Variants in CCDC178 observed in about 807,000 individuals in gnomAD.
CCDC178 encodes the protein coiled-coil domain-containing protein 178.
A neutral mutation model predicts 117.4 loss-of-function variants in CCDC178; 126 were observed. That is an observed-to-expected ratio of 1.07 (90% CI 0.93 to 1.24). The LOEUF (loss-of-function observed/expected upper bound fraction) is 1.24. Among genes scored for constraint, CCDC178 ranks in the 50% most tolerant of loss-of-function variants. The probability of loss-of-function intolerance (pLI) is 0.00; values close to 1 mark genes in which losing one functional copy is unlikely to be tolerated. For missense variants in CCDC178, 1,030 were observed against 986.9 expected (o/e 1.04, Z -0.59); for synonymous variants, 283 against 313.4 (o/e 0.90, Z 1.02).
intron 21 of CCDC178, among the ~76,000 whole-genome samples, chr18:33,066,297 T>C (rs2057015521): frequency 6.6e-6 from 1 of 151,810 alleles, no homozygotes; most frequent in Non-Finnish European, 1.5e-5. Flanking sequence ...ATATCTACTA[T>C]CAGGAAAACA....
chr18:33,221,773 C>T (rs1447338987), intron 18 of CCDC178, among the ~76,000 whole-genome samples: 1 of 151,960 alleles, frequency 6.6e-6, no homozygotes, highest in Non-Finnish European at 1.5e-5. Flanking sequence ...AAAGTCAATC[C>T]TTTATTTTAA....
intron 7 of CCDC178, among the ~76,000 whole-genome samples, chr18:33,351,803 T>G (rs976718691): frequency 1.3e-5 from 2 of 152,130 alleles, no homozygotes; most frequent in Non-Finnish European, 2.9e-5. Flanking sequence ...TCCTCTGCCT[T>G]GGCCTCCCAA....
At chr18:33,291,826 G>A (rs1219660762) in intron 12 of CCDC178, among the ~76,000 whole-genome samples, 2 of 152,044 alleles carry the variant, frequency 1.3e-5, no homozygotes, top group Non-Finnish European at 2.9e-5. Context: ...GGAAACAAAG[G>A]CTTCAGTTCT....
chr18:32,984,576 C>T (rs1031053507), intron 21 of CCDC178, among the ~76,000 whole-genome samples: 2 of 149,052 alleles, frequency 1.3e-5, no homozygotes, highest in Non-Finnish European at 3.0e-5. Flanking sequence ...GCTTAAGTTG[C>T]TAAAATTCAC....
At chr18:32,967,077 A>G (rs1309683401) in intron 22 of CCDC178, among the ~76,000 whole-genome samples, 3 of 151,806 alleles carry the variant, frequency 2.0e-5, no homozygotes, top group African/African-American at 7.2e-5. Context: ...AACTTTTATT[A>G]GAATAAGTAT....
chr18:33,234,817 T>C (rs1568076806), intron 15 of CCDC178, among the ~76,000 whole-genome samples: 1 of 152,170 alleles, frequency 6.6e-6, no homozygotes, highest in Non-Finnish European at 1.5e-5. Context: ...AAGAGTAATA[T>C]GCTCCAGATT....
intron 9 of CCDC178, among the ~76,000 whole-genome samples, chr18:33,339,484 C>T (rs970734502): frequency 1.3e-5 from 2 of 150,612 alleles, no homozygotes; most frequent in African/African-American, 4.9e-5. Context: ...TAGATAACTA[C>T]AATAAAATGG....
At chr18:33,253,931 T>C (rs2059646709) in intron 14 of CCDC178, among the ~76,000 whole-genome samples, 1 of 151,944 alleles carries the variant, frequency 6.6e-6, no homozygotes, top group Non-Finnish European at 1.5e-5. Context: ...GGGTAATATA[T>C]ACATACTGCT....
intron 21 of CCDC178, among the ~76,000 whole-genome samples, chr18:33,004,364 G>C (rs1347716408): frequency 6.6e-6 from 1 of 152,040 alleles, no homozygotes; most frequent in Non-Finnish European, 1.5e-5. Context: ...TTTGACAAAG[G>C]TGCCAAGAAC....
At chr18:32,947,027 G>T (rs974381253) in intron 22 of CCDC178, among the ~76,000 whole-genome samples, 1 of 151,848 alleles carries the variant, frequency 6.6e-6, no homozygotes, top group African/African-American at 2.4e-5. Flanking sequence ...TGATCCGCCC[G>T]CCTCGGCCTC....
intron 5 of CCDC178, among the ~76,000 whole-genome samples, chr18:33,381,526 C>A (rs1004565429): frequency 2.0e-5 from 3 of 152,354 alleles, no homozygotes; most frequent in African/African-American, 7.2e-5. Context: ...ATGCTATAGA[C>A]AGATACATCT....
At chr18:32,980,570 CAAAAAAA>C (rs57402084) in intron 21 of CCDC178, among the ~76,000 whole-genome samples, 1 of 76,320 alleles carries the variant, frequency 1.3e-5, no homozygotes, top group South Asian at 6.4e-4. Context: ...GACTCCGTCT[CAAAAAAA>C]AAAAAAAAAA....
intron 2 of CCDC178, among the ~76,000 whole-genome samples, chr18:33,413,727 A>C (rs2063891421): frequency 6.6e-6 from 1 of 152,148 alleles, no homozygotes; most frequent in Non-Finnish European, 1.5e-5. Context: ...CAGGAGAGGC[A>C]ACTGAGAGGT....
chr18:33,343,840 A>T (rs2144668284), intron 9 of CCDC178, among the ~76,000 whole-genome samples: 1 of 152,330 alleles, frequency 6.6e-6, no homozygotes, highest in African/African-American at 2.4e-5. Flanking sequence ...TTCCTGTCTT[A>T]CATGCTATAT....
chr18:32,950,938 G>A (rs2054468533), intron 22 of CCDC178, among the ~76,000 whole-genome samples: 1 of 152,080 alleles, frequency 6.6e-6, no homozygotes, highest in African/African-American at 2.4e-5. Context: ...ATATGCTGAT[G>A]TCTTCTAACA....
At chr18:33,044,601 A>G (rs1376177715) in intron 21 of CCDC178, among the ~76,000 whole-genome samples, 1 of 152,182 alleles carries the variant, frequency 6.6e-6, no homozygotes, top group Non-Finnish European at 1.5e-5. Flanking sequence ...TACAACCGTT[A>G]TGAAAAGCAG....
At chr18:33,029,664 C>A (rs1431414587) in intron 21 of CCDC178, among the ~76,000 whole-genome samples, 1 of 151,916 alleles carries the variant, frequency 6.6e-6, no homozygotes. Context: ...ACTGCTTTAA[C>A]TACATCTCAC....
intron 20 of CCDC178, among the ~76,000 whole-genome samples, chr18:33,110,811 T>C (rs2057770629): frequency 6.6e-6 from 1 of 151,644 alleles, no homozygotes; most frequent in Admixed American, 6.6e-5. Flanking sequence ...TCTTATAATG[T>C]GGCCTCATAG....
chr18:33,438,543 A>AAC (rs139786250), intron 2 of CCDC178, among the ~76,000 whole-genome samples: 18,619 of 148,404 alleles, frequency 0.13, 1,216 homozygotes, highest in East Asian at 0.23. Context: ...ACACACGGCA[A>AAC]ACACACACAC....
Sources: gnomAD v4.1 joint callset for allele counts (sites outside exome capture counted in the v4.1 genomes callset) on GRCh38, gnomAD v4.1.1 for gene constraint, MANE v1.5 for transcripts, NCBI Gene and HGNC (gene_info 2026-07-23, HGNC 2026-07-21) for gene names.